Variants in PTK2 observed in about 807,000 individuals in gnomAD.
PTK2 encodes focal adhesion kinase 1.
A neutral mutation model predicts 150.1 loss-of-function variants in PTK2; 45 were observed. That is an observed-to-expected ratio of 0.30 (90% CI 0.24 to 0.38). The LOEUF (loss-of-function observed/expected upper bound fraction) is 0.38, where lower values mean the gene tolerates loss of function less well. Ranked by LOEUF, PTK2 falls within the 10% of genes least tolerant of loss-of-function variation. The probability of loss-of-function intolerance (pLI) is 1.00; values close to 1 mark genes in which losing one functional copy is unlikely to be tolerated. For missense variants in PTK2, 919 were observed against 1,307.3 expected (o/e 0.70, Z 4.58); for synonymous variants, 432 against 449.2 (o/e 0.96, Z 0.48).
intron 16 of PTK2, among the ~76,000 whole-genome samples, chr8:140,756,830 A>T (rs978947849): frequency 2.6e-5 from 4 of 151,610 alleles, no homozygotes; most frequent in African/African-American, 9.7e-5. Context: ...TCTACTAAAA[A>T]TACAAAAAAT....
intron 7 of PTK2, among the ~76,000 whole-genome samples, chr8:140,846,057 A>G (rs776773483): frequency 2.0e-5 from 3 of 152,208 alleles, no homozygotes; most frequent in Non-Finnish European, 4.4e-5. Context: ...AATGGGCCAT[A>G]TACAATGTTA....
chr8:140,882,692 C>T (rs996792652), intron 3 of PTK2, among the ~76,000 whole-genome samples: 10 of 152,142 alleles, frequency 6.6e-5, no homozygotes, highest in Admixed American at 5.9e-4. Flanking sequence ...CATTTTACTA[C>T]TGATGAATAA....
chr8:140,904,551 G>C (rs943011046), intron 2 of PTK2, among the ~76,000 whole-genome samples: 1 of 152,052 alleles, frequency 6.6e-6, no homozygotes, highest in Non-Finnish European at 1.5e-5. Context: ...TCTATTGCTT[G>C]GAATAGTTTC....
chr8:140,744,610 C>A, intron 19 of PTK2, 42 bp downstream of exon 22: 1 of 1,329,294 alleles, frequency 7.5e-7, no homozygotes, highest in South Asian at 1.4e-5. Context: ...TTGATCACTA[C>A]TTTTCAGAAG....
intron 7 of PTK2, among the ~76,000 whole-genome samples, chr8:140,840,183 C>T (rs1001603579): frequency 3.3e-5 from 5 of 152,134 alleles, no homozygotes; most frequent in African/African-American, 9.7e-5. Context: ...CTCAGCCTCC[C>T]GACTAGGTGA....
rs779603769 is a variant in PTK2 at position 140,743,180 on chromosome 8, T to C, written c.1735+50A>G. On this transcript the variant is annotated intron_variant, in intron 20 of 31. Coordinates refer to ENST00000522684, the Ensembl canonical transcript of PTK2. Reference sequence around the variant, plus strand: ...TATTAGAACATACTGTTTTTAGAAATACGTTAAAGATTCCAAGCCTATTTC... The same window carrying C: ...TATTAGAACATACTGTTTTTAGAAACACGTTAAAGATTCCAAGCCTATTTC... The C allele has an allele frequency of 5.6e-6, 7 of 1,251,468 alleles. No individual in the cohort carries two copies. In the Admixed American group the frequency reaches 7.2e-5, roughly 13 times the overall value. 77.5% of individuals were successfully genotyped at this position (1,251,468 alleles called of 1,614,324 possible).
At chr8:140,898,420 G>C (rs558085999) in intron 2 of PTK2, among the ~76,000 whole-genome samples, 2 of 152,326 alleles carry the variant, frequency 1.3e-5, no homozygotes, top group African/African-American at 4.8e-5. Context: ...GACTGGAATG[G>C]GAGAGAAGAT....
intron 4 of PTK2, among the ~76,000 whole-genome samples, chr8:140,866,625 G>A (rs768620310): frequency 5.9e-5 from 9 of 152,166 alleles, no homozygotes; most frequent in Non-Finnish European, 8.8e-5. Context: ...AACAGTCACT[G>A]GCATATCATA....
At chr8:140,730,956 C>A (rs866060515) in intron 22 of PTK2, among the ~76,000 whole-genome samples, 7 of 131,322 alleles carry the variant, frequency 5.3e-5, no homozygotes, top group South Asian at 5.4e-4. Context: ...AAATTAAACC[C>A]CCCCCCCCCT....
intron 27 of PTK2, among the ~76,000 whole-genome samples, chr8:140,678,443 C>T (rs915584468): frequency 6.6e-6 from 1 of 151,332 alleles, no homozygotes; most frequent in Non-Finnish European, 1.5e-5. Flanking sequence ...ACTTCCTGGG[C>T]TCAAGTGATG....
At position 140,661,409 on chromosome 8, in the gene PTK2, A is replaced by G. The variant is rs536287682; in HGVS notation, c.2947-1731T>C. Among the ~76,000 whole-genome samples, 8 of 152,260 alleles carry G rather than the reference A, an allele frequency of 5.3e-5. No individual in the cohort carries two copies. In the South Asian group the frequency reaches 1.7e-3, roughly 32 times the overall value. On this transcript the variant is annotated intron_variant, in intron 31 of 31. Coordinates refer to ENST00000522684, the Ensembl canonical transcript of PTK2. ...AGATGGAAGGTGTGTGGTTGTTTGC[A>G]TGTGTGTAGGGGATTGGGAACAGAC...
chr8:140,686,366 A>G (rs958468059), intron 27 of PTK2, among the ~76,000 whole-genome samples: 1 of 151,984 alleles, frequency 6.6e-6, no homozygotes, highest in East Asian at 1.9e-4. Context: ...ATTTCCTTAT[A>G]TAACACATCT....
At chr8:140,757,783 T>C (rs2100066734) in intron 16 of PTK2, among the ~76,000 whole-genome samples, 1 of 152,196 alleles carries the variant, frequency 6.6e-6, no homozygotes, top group African/African-American at 2.4e-5. Context: ...TGCCACAAAG[T>C]AACATTTTGG....
intron 10 of PTK2, among the ~76,000 whole-genome samples, chr8:140,805,980 TTGA>T (rs1018112691): frequency 6.6e-6 from 1 of 152,212 alleles, no homozygotes; most frequent in African/African-American, 2.4e-5. Context: ...TGATCTTGTC[TTGA>T]TGATATGTGC....
At chr8:140,887,627 G>A (rs1427839780) in intron 3 of PTK2, among the ~76,000 whole-genome samples, 1 of 151,930 alleles carries the variant, frequency 6.6e-6, no homozygotes, top group African/African-American at 2.4e-5. Flanking sequence ...GCTTTCTACA[G>A]AACACCACTG....
At chr8:140,957,996 C>G (rs781175873) in intron 1 of PTK2, among the ~76,000 whole-genome samples, 1 of 152,202 alleles carries the variant, frequency 6.6e-6, no homozygotes, top group Non-Finnish European at 1.5e-5. Flanking sequence ...ATTTATCTCT[C>G]ATGAAATAGC....
At chr8:140,992,709 G>A (rs902543511) in intron 1 of PTK2, among the ~76,000 whole-genome samples, 13 of 152,194 alleles carry the variant, frequency 8.5e-5, no homozygotes, top group South Asian at 2.1e-4. Context: ...AATTCACTGA[G>A]AGGCAAACTG....
intron 2 of PTK2, among the ~76,000 whole-genome samples, chr8:140,907,075 TG>T (rs930861909): frequency 6.6e-6 from 1 of 152,230 alleles, no homozygotes; most frequent in Non-Finnish European, 1.5e-5. Flanking sequence ...TGAAGACAGA[TG>T]CTCAATCTGA....
exon 32 of PTK2, chr8:140,658,132 G>A (rs1183380796): frequency 2.0e-5 from 3 of 152,334 alleles, no homozygotes; most frequent in Non-Finnish European, 4.4e-5. Flanking sequence ...CGCAGGGGAA[G>A]GTTCTTTCAT....
Sources: allele counts gnomAD v4.1 joint callset (sites outside exome capture counted in the v4.1 genomes callset), GRCh38; gene constraint gnomAD v4.1.1; transcripts MANE v1.5; gene names NCBI Gene and HGNC (gene_info 2026-07-23, HGNC 2026-07-21).